Variants in COL28A1 observed in about 807,000 individuals in gnomAD.
COL28A1 encodes collagen type XXVIII alpha 1 chain.
A neutral mutation model predicts 150.2 loss-of-function variants in COL28A1; 161 were observed. The ratio of observed to expected loss-of-function variants is 1.07; its 90% confidence interval spans 0.94 to 1.22. The LOEUF (loss-of-function observed/expected upper bound fraction) is 1.22. Ranked by LOEUF, COL28A1 falls within the 50% of genes most tolerant of loss-of-function variation. The pLI, the probability that COL28A1 is intolerant of heterozygous loss-of-function variation, is 0.00. For synonymous variants in COL28A1, 552 were observed against 469.7 expected, an observed-to-expected ratio of 1.18 and a Z score of -2.26; for missense variants, 1,617 against 1,388.3, an observed-to-expected ratio of 1.16 and a Z score of -2.62.
Position 7,488,009 on chromosome 7 carries a change from A to C in COL28A1, c.1164+1380T>G, listed in dbSNP as rs569897260. On this transcript the variant is annotated intron_variant, in intron 13 of 34. Coordinates refer to ENST00000399429, the MANE Select transcript of COL28A1 (RefSeq NM_001037763.3). ...AACAACCTGCACCAAACTGCCAGCC[A>C]TGTGAGGCCATTTTTAACATTGCAG... Among the ~76,000 whole-genome samples the C allele has an allele frequency of 2.9e-3, 443 of 152,308 alleles. 1 individual carries two copies. The highest frequency in any genetic ancestry group is 4.7e-3 in the Non-Finnish European group (320 of 68,020).
intron 27 of COL28A1, among the ~76,000 whole-genome samples, chr7:7,391,924 T>C (rs1782568972): frequency 6.6e-6 from 1 of 152,092 alleles, no homozygotes; most frequent in Non-Finnish European, 1.5e-5. Flanking sequence ...CTGATGGGTC[T>C]TGACTTGTTA....
intron 21 of COL28A1, 56 bp from the exon 22 acceptor site, chr7:7,437,518 C>T (rs1785432171): frequency 6.4e-7 from 1 of 1,571,282 alleles, no homozygotes; most frequent in African/African-American, 1.4e-5. Context: ...CATATAGAGA[C>T]AATATTAAGA....
intron 11 of COL28A1, among the ~76,000 whole-genome samples, chr7:7,497,749 C>G (rs1447517895): frequency 6.6e-6 from 1 of 152,058 alleles, no homozygotes; most frequent in Admixed American, 6.6e-5. Context: ...TATAATTTAT[C>G]CAAGCTGATG....
At chr7:7,377,776 G>A (rs528376628) in intron 30 of COL28A1, among the ~76,000 whole-genome samples, 14 of 146,812 alleles carry the variant, frequency 9.5e-5, no homozygotes, top group African/African-American at 3.6e-4. Context: ...AGCAGCCAGT[G>A]GAGGGGTTTG....
At position 7,472,215 on chromosome 7, in the gene COL28A1, A is replaced by G. The variant is rs538708140; in HGVS notation, c.1302+2386T>C. On this transcript the variant is annotated intron_variant, in intron 15 of 34. Coordinates refer to ENST00000399429, the MANE Select transcript of COL28A1 (RefSeq NM_001037763.3). ...AGAAATAAAGAACATCCAAATCAAT[A>G]AATAGAAAGTCAAAGTGCCTGTTTG... Among the ~76,000 whole-genome samples, 5 of 152,310 alleles carry G rather than the reference A, an allele frequency of 3.3e-5. No homozygotes were observed. In the South Asian group the frequency reaches 1.0e-3, roughly 32 times the overall value.
rs1421951577 is a variant in COL28A1 at position 7,373,175 on chromosome 7, C to T, written c.2731G>A (p.Asp911Asn). 6.2e-7 allele frequency: 1 copy of T among 1,614,184 alleles called. No individual in the cohort carries two copies. Among genetic ancestry groups the T allele is most frequent in the Admixed American group, 1.7e-5 (1 of 60,022 alleles). ...VITDGQTDSR[D>N]KEKLTEVVKN... ...ACCACCTCTGTCAGTTTCTCTTTAT[C>T]ACGAGAATCTGTCTGTCCATCAGTG... is the stretch of plus-strand genomic sequence containing the variant. Residue 911 changes from aspartate (D) to asparagine (N), a missense_variant, in exon 32 of 35, where the codon GAT becomes AAT. Asp to Asn is a conservative substitution (Grantham distance 23, BLOSUM62 1). Coordinates refer to ENST00000399429, the MANE Select transcript of COL28A1 (RefSeq NM_001037763.3). The surrounding 1 kb of genome is among the most constrained non-coding windows in gnomAD (Gnocchi z 4.1).
At chr7:7,384,259 C>T (rs1476662315) in intron 27 of COL28A1, among the ~76,000 whole-genome samples, 1 of 152,158 alleles carries the variant, frequency 6.6e-6, no homozygotes, top group African/African-American at 2.4e-5. Context: ...CAGTGTTGCA[C>T]TACAATGTCT....
At chr7:7,431,784 T>A (rs1356683602) in intron 25 of COL28A1, 4 of 309,920 alleles carry the variant, frequency 1.3e-5, no homozygotes, top group South Asian at 5.5e-5. Context: ...GAGGCTATTT[T>A]TACAGCCCAC....
At chr7:7,473,677 C>A (rs1256177457) in intron 15 of COL28A1, among the ~76,000 whole-genome samples, 1 of 152,142 alleles carries the variant, frequency 6.6e-6, no homozygotes, top group East Asian at 1.9e-4. Flanking sequence ...CCAGCAATCC[C>A]ACTACTGGGT....
At chr7:7,523,558 T>C (rs1781859942) in intron 4 of COL28A1, among the ~76,000 whole-genome samples, 1 of 152,144 alleles carries the variant, frequency 6.6e-6, no homozygotes, top group South Asian at 2.1e-4. Context: ...TGACTCCTAT[T>C]ATTTTATGCA....
chr7:7,480,999 C>T (rs1363824303), intron 13 of COL28A1, among the ~76,000 whole-genome samples: 1 of 152,186 alleles, frequency 6.6e-6, no homozygotes, highest in Admixed American at 6.5e-5. Flanking sequence ...ACAGATTAAG[C>T]ACTCAATAAA....
intron 27 of COL28A1, among the ~76,000 whole-genome samples, chr7:7,386,898 C>T (rs1018191133): frequency 6.6e-6 from 1 of 152,122 alleles, no homozygotes; most frequent in Non-Finnish European, 1.5e-5. Context: ...AGAAAGCCCA[C>T]GATCAAGGAA....
Position 7,358,565 on chromosome 7 carries a change from T to G in COL28A1, c.*68A>C. The G allele has an allele frequency of 1.4e-6, 2 of 1,419,334 alleles. No individual in the cohort carries two copies. Among genetic ancestry groups the G allele is most frequent in the Non-Finnish European group, 2.0e-6 (2 of 1,016,860 alleles). 87.9% of individuals were successfully genotyped at this position (1,419,334 alleles called of 1,614,324 possible). A position where few individuals can be genotyped will look rare whatever the true frequency, so the allele number is the denominator to read the frequency against. Reference sequence around the variant, plus strand: ...ATACACTCAAATATAGTGCTGTATTTGTATTGGGTGAATATGTGGAAATTA... The same window carrying G: ...ATACACTCAAATATAGTGCTGTATTGGTATTGGGTGAATATGTGGAAATTA... On this transcript the variant is annotated 3_prime_UTR_variant, in exon 35 of 35. Coordinates refer to ENST00000399429, the MANE Select transcript of COL28A1 (RefSeq NM_001037763.3).
intron 33 of COL28A1, among the ~76,000 whole-genome samples, chr7:7,368,389 G>GTTTTTTTTTTGTTTT (rs34289231): frequency 0.013 from 1,978 of 150,162 alleles, 55 homozygotes; most frequent in African/African-American, 0.047. Context: ...TTTGCCTACT[G>GTTTTTTTTTTGTTTT]TTTTTTTTGT....
intron 25 of COL28A1, among the ~76,000 whole-genome samples, chr7:7,421,650 A>G (rs1784394164): frequency 6.6e-6 from 1 of 152,236 alleles, no homozygotes; most frequent in Admixed American, 6.5e-5. Context: ...AAAACAGTCC[A>G]TCTTTTAATT....
rs772144995 is a variant in COL28A1 at position 7,444,502 on chromosome 7, C to T, written c.1510-13G>A. On this transcript the variant is annotated splice_polypyrimidine_tract_variant and intron_variant, in intron 18 of 34. Transcript: ENST00000399429. ...AGCCTGGCTCTCCCTGGTGAATGAA[C>T]AAATATTTTATTTCCCTAAAGTTCA... 8 of 1,612,480 alleles carry T rather than the reference C, an allele frequency of 5.0e-6. No individual in the cohort carries two copies. In the East Asian group the frequency reaches 1.6e-4, roughly 31 times the overall value.
At chr7:7,391,880 T>C (rs372633231) in intron 27 of COL28A1, among the ~76,000 whole-genome samples, 2 of 151,218 alleles carry the variant, frequency 1.3e-5, no homozygotes, top group African/African-American at 2.4e-5. Context: ...ATGTGTGTCC[T>C]TGCACATGAG....
chr7:7,509,032 C>T (rs771121253), intron 9 of COL28A1, among the ~76,000 whole-genome samples: 4 of 152,136 alleles, frequency 2.6e-5, no homozygotes, highest in Non-Finnish European at 4.4e-5. Flanking sequence ...TAGGGTTTCA[C>T]CTTGTTAGCC....
rs151276152 is a variant in COL28A1, at chr7:7,484,231, G to T, written c.1164+5158C>A. Reference sequence around the variant, plus strand: ...CTAAAGCAAAAATGAATTACTACAAGAAATTATAAACAGACTAAAGACATG... The same window carrying T: ...CTAAAGCAAAAATGAATTACTACAATAAATTATAAACAGACTAAAGACATG... On this transcript the variant is annotated intron_variant, in intron 13 of 34. Transcript: ENST00000399429. 4.6e-3 allele frequency among the ~76,000 whole-genome samples: 702 copies of T among 151,926 alleles called. 5 individuals carry two copies. The highest frequency in any genetic ancestry group is 0.022 in the East Asian group (114 of 5,174).
Sources: allele counts gnomAD v4.1 joint callset (sites outside exome capture counted in the v4.1 genomes callset), GRCh38; gene constraint gnomAD v4.1.1; non-coding constraint Gnocchi (gnomAD v3.1); transcripts MANE v1.5; gene names NCBI Gene and HGNC (gene_info 2026-07-23, HGNC 2026-07-21).